ENTREP1: variants seen among roughly 807,000 people sequenced by gnomAD.
ENTREP1 encodes the protein endosomal transmembrane epsin interactor 1.
At chr9:69,386,882 C>T in the ENTREP1 span, 6,962 of 152,326 alleles carry the variant, frequency 0.046, 471 homozygotes, top group African/African-American at 0.16. Context: ...TGGTACTGAG[C>T]GTGTCTCTGA....
chr9:69,367,728 AAAATATATATATACACATATAT>A, the ENTREP1 span, among the ~76,000 whole-genome samples: 54 of 49,132 alleles, frequency 1.1e-3, 1 homozygote, highest in Admixed American at 1.9e-3. Context: ...CATATATATA[AAAATATATATATACACATATAT>A]AAATATATAT....
chr9:69,325,782 C>A, the ENTREP1 span: 3 of 1,213,424 alleles, frequency 2.5e-6, no homozygotes, highest in South Asian at 1.3e-4. Context: ...GGGCTCTGGT[C>A]GTTCCTCTCC....
the ENTREP1 span, among the ~76,000 whole-genome samples, chr9:69,328,652 A>G: frequency 1.8e-5 from 2 of 108,622 alleles, no homozygotes; most frequent in African/African-American, 5.8e-5. Context: ...AGCTAAACTA[A>G]GGTTTCTATA....
the ENTREP1 span, chr9:69,377,718 C>T: frequency 6.2e-7 from 1 of 1,613,952 alleles, no homozygotes; most frequent in Non-Finnish European, 8.5e-7. Context: ...CCACGTTTTA[C>T]TCGTGCACAC....
the ENTREP1 span, among the ~76,000 whole-genome samples, chr9:69,358,902 C>CTTTTTTTTTTTTTTT: frequency 1.0e-5 from 1 of 96,368 alleles, no homozygotes; most frequent in Non-Finnish European, 2.1e-5. Context: ...CTTTTTCTTT[C>CTTTTTTTTTTTTTTT]TTTTTTTTTT....
At chr9:69,371,020 G>A in the ENTREP1 span, among the ~76,000 whole-genome samples, 194 of 152,196 alleles carry the variant, frequency 1.3e-3, no homozygotes, top group African/African-American at 4.2e-3. Context: ...TACCTAAAGT[G>A]TTCAGAACTG....
chr9:69,341,805 A>G, the ENTREP1 span, among the ~76,000 whole-genome samples: 1 of 152,132 alleles, frequency 6.6e-6, no homozygotes, highest in Non-Finnish European at 1.5e-5. Context: ...GTACATTTCA[A>G]TAAATTGAAA....
chr9:69,385,761 CTCTTTT>C, the ENTREP1 span: 1 of 1,409,626 alleles, frequency 7.1e-7, no homozygotes. Flanking sequence ...TATGTTTCGC[CTCTTTT>C]TTTTTTTTTT....
the ENTREP1 span, chr9:69,371,581 T>C: frequency 6.2e-7 from 1 of 1,613,784 alleles, no homozygotes; most frequent in Non-Finnish European, 8.5e-7. Context: ...GGGGCCCAGT[T>C]TGTGTCCAGC....
the ENTREP1 span, chr9:69,382,178 A>T: frequency 6.6e-6 from 1 of 152,282 alleles, no homozygotes; most frequent in East Asian, 1.9e-4. Context: ...AGAAGTCCAT[A>T]GGTCTCATTG....
At chr9:69,390,919 G>C in the ENTREP1 span, among the ~76,000 whole-genome samples, 1 of 151,670 alleles carries the variant, frequency 6.6e-6, no homozygotes. Context: ...GGGACTACAG[G>C]CATGAACCAC....
At chr9:69,385,747 A>T in the ENTREP1 span, 1 of 1,460,392 alleles carries the variant, frequency 6.8e-7, no homozygotes, top group Non-Finnish European at 9.0e-7. Flanking sequence ...CTGGTGAGAT[A>T]ATTTATGTTT....
At chr9:69,388,851 A>G in the ENTREP1 span, among the ~76,000 whole-genome samples, 1 of 152,172 alleles carries the variant, frequency 6.6e-6, no homozygotes, top group Non-Finnish European at 1.5e-5. Flanking sequence ...GAATTTTAAT[A>G]TCAACAAGAT....
chr9:69,387,969 G>C, the ENTREP1 span: 3 of 1,536,946 alleles, frequency 2.0e-6, no homozygotes, highest in Middle Eastern at 3.4e-4. Context: ...TATCCTATTG[G>C]AACTGGACTT....
chr9:69,391,903 T>A, the ENTREP1 span: 1 of 1,191,178 alleles, frequency 8.4e-7, no homozygotes, highest in Non-Finnish European at 1.2e-6. Flanking sequence ...AAAGGAGCAC[T>A]CTGGAGGACA....
chr9:69,374,545 C>T, the ENTREP1 span, among the ~76,000 whole-genome samples: 1 of 152,132 alleles, frequency 6.6e-6, no homozygotes, highest in African/African-American at 2.4e-5. Context: ...AAGAGAGTTT[C>T]TCTCTTTTTA....
chr9:69,358,902 C>CTTTTTTTTTT, the ENTREP1 span, among the ~76,000 whole-genome samples: 12 of 96,368 alleles, frequency 1.2e-4, no homozygotes, highest in East Asian at 2.7e-4. Context: ...CTTTTTCTTT[C>CTTTTTTTTTT]TTTTTTTTTT....
chr9:69,383,125 C>T, the ENTREP1 span: 1 of 985,144 alleles, frequency 1.0e-6, no homozygotes. Flanking sequence ...GAATGTAAGA[C>T]ATAATTGAAT....
At chr9:69,383,015 C>T in the ENTREP1 span, 6 of 983,970 alleles carry the variant, frequency 6.1e-6, no homozygotes, top group Non-Finnish European at 7.2e-6. Flanking sequence ...GTGGAATTTT[C>T]TGTCAACGTT....
Sources: allele counts gnomAD v4.1 joint callset (sites outside exome capture counted in the v4.1 genomes callset), GRCh38; gene constraint gnomAD v4.1.1; transcripts MANE v1.5; gene names NCBI Gene and HGNC (gene_info 2026-07-23, HGNC 2026-07-21).